Variants in SYT16 observed in about 807,000 individuals in gnomAD.
SYT16 encodes synaptotagmin-16.
SYT16 carries 42 observed loss-of-function variants against 61.4 expected under a neutral mutation model. The ratio of observed to expected loss-of-function variants is 0.68; its 90% CI spans 0.53 to 0.89. The LOEUF is 0.89. Ranked by LOEUF, SYT16 falls within the 40% of genes least tolerant of loss-of-function variation. The pLI is 0.00. For synonymous variants in SYT16, 314 were observed against 302.3 expected, an observed-to-expected ratio of 1.04 and a Z score of -0.40; for missense variants, 804 against 807.3, an observed-to-expected ratio of 1.00 and a Z score of 0.05.
chr14:61,851,381 G>A (rs2046615598), intron 1 of SYT16, among the ~76,000 whole-genome samples: 1 of 152,164 alleles, frequency 6.6e-6, no homozygotes, highest in African/African-American at 2.4e-5. Context: ...ACGTATGCAG[G>A]TATCTTTATA....
At chr14:61,905,119 AACT>A (rs1044173687) in intron 1 of SYT16, among the ~76,000 whole-genome samples, 1 of 152,196 alleles carries the variant, frequency 6.6e-6, no homozygotes, top group African/African-American at 2.4e-5. Flanking sequence ...GATTTCTAGG[AACT>A]ACCTGCACTG....
intron 2 of SYT16, among the ~76,000 whole-genome samples, chr14:61,986,881 G>T (rs1217781367): frequency 1.3e-5 from 2 of 152,080 alleles, no homozygotes; most frequent in Non-Finnish European, 2.9e-5. Context: ...CAAAAATATT[G>T]ATGGCCTATT....
intron 1 of SYT16, among the ~76,000 whole-genome samples, chr14:61,844,282 T>C (rs991147643): frequency 1.3e-5 from 2 of 152,182 alleles, no homozygotes; most frequent in African/African-American, 4.8e-5. Flanking sequence ...TAGTTTTTTT[T>C]TGGTGGAATC....
intron 3 of SYT16, among the ~76,000 whole-genome samples, chr14:62,051,680 T>G (rs940557126): frequency 1.3e-5 from 2 of 152,236 alleles, no homozygotes. Flanking sequence ...CTTTGGATTT[T>G]TAAAGGTTCA....
intron 3 of SYT16, among the ~76,000 whole-genome samples, chr14:62,056,736 G>A (rs183799063): frequency 6.6e-6 from 1 of 152,256 alleles, no homozygotes; most frequent in Admixed American, 6.5e-5. Context: ...ACCCATTCAG[G>A]CTCCTTGAAT....
At chr14:61,831,023 G>C (rs970891160) in intron 1 of SYT16, among the ~76,000 whole-genome samples, 1 of 152,168 alleles carries the variant, frequency 6.6e-6, no homozygotes, top group African/African-American at 2.4e-5. Context: ...CCTCTTCCAC[G>C]TCCTTTGGCT....
At chr14:61,910,250 T>G (rs1193753201) in intron 1 of SYT16, among the ~76,000 whole-genome samples, 1 of 132,370 alleles carries the variant, frequency 7.6e-6, no homozygotes. Flanking sequence ...TTTTGTTTTG[T>G]TTTTTGAGAC....
chr14:61,823,574 C>CAAAAA (rs55935256), intron 1 of SYT16, among the ~76,000 whole-genome samples: 19 of 71,020 alleles, frequency 2.7e-4, no homozygotes, highest in Admixed American at 5.2e-4. Context: ...ACTAAAAATA[C>CAAAAA]AAAAAAAAAA....
At chr14:62,001,680 T>C (rs569440396) in intron 3 of SYT16, among the ~76,000 whole-genome samples, 3 of 152,110 alleles carry the variant, frequency 2.0e-5, no homozygotes, top group Non-Finnish European at 2.9e-5. Flanking sequence ...ATATTTATTC[T>C]ACCCCATTCT....
Position 61,816,938 on chromosome 14 carries a change from A to G in SYT16, c.-325+4128A>G, listed in dbSNP as rs952143958. On this transcript the variant is annotated intron_variant, in intron 1 of 7. Transcript: ENST00000683842. ...AGGCAGGAGAATGGCGTGAACCCGG[A>G]AGGTGGAGCTTGCAGTGAGCCGAGA... is the stretch of plus-strand genomic sequence containing the variant. Among the ~76,000 whole-genome samples the G allele has an allele frequency of 6.2e-4, 93 of 150,548 alleles. 7 individuals carry two copies. The highest frequency in any genetic ancestry group is 1.0e-4 in the Non-Finnish European group (7 of 67,744).
intron 1 of SYT16, among the ~76,000 whole-genome samples, chr14:61,845,041 T>C (rs2046403782): frequency 1.0e-5 from 1 of 98,566 alleles, no homozygotes; most frequent in Non-Finnish European, 2.1e-5. Flanking sequence ...CTAGAAGACT[T>C]TTTTTTTTTT....
At chr14:61,832,862 C>T (rs746331220) in intron 1 of SYT16, among the ~76,000 whole-genome samples, 24 of 152,136 alleles carry the variant, frequency 1.6e-4, no homozygotes, top group Admixed American at 3.3e-4. Context: ...AAATCTATCC[C>T]TTTGCCAGAG....
chr14:62,069,601 A>G lies in SYT16; in HGVS notation c.524-2A>G. 6.2e-7 allele frequency: 1 copy of G among 1,613,834 alleles called. No homozygotes were observed. The highest frequency in any genetic ancestry group is 8.5e-7 in the Non-Finnish European group (1 of 1,179,782). On this transcript the variant is annotated splice_acceptor_variant, in intron 3 of 7. Transcript: ENST00000683842. LOFTEE classifies it high-confidence loss of function. ...AGACTCATGGCTCTTGTTTACTCCC[A>G]GTCAACAGCTTTGGGGATGACGAAG...
chr14:62,036,513 C>A (rs558935198), intron 3 of SYT16, among the ~76,000 whole-genome samples: 19 of 152,160 alleles, frequency 1.2e-4, no homozygotes, highest in African/African-American at 4.6e-4. Flanking sequence ...GTGTGCTAGT[C>A]CATTCTCGTG....
At chr14:61,993,891 A>T (rs1053820900) in intron 2 of SYT16, among the ~76,000 whole-genome samples, 7 of 152,162 alleles carry the variant, frequency 4.6e-5, no homozygotes, top group African/African-American at 1.7e-4. Flanking sequence ...TGTGCTCAGC[A>T]CACTTCTAGG....
chr14:61,889,095 A>C (rs1415801071), intron 1 of SYT16, among the ~76,000 whole-genome samples: 1 of 152,214 alleles, frequency 6.6e-6, no homozygotes, highest in East Asian at 1.9e-4. Context: ...CAAGGGAGGC[A>C]TGGTGATAGT....
At chr14:62,076,213 C>T (rs2056490558) in intron 5 of SYT16, among the ~76,000 whole-genome samples, 1 of 152,120 alleles carries the variant, frequency 6.6e-6, no homozygotes, top group Non-Finnish European at 1.5e-5. Context: ...TAGATCCCTC[C>T]TATCATGATT....
At chr14:61,893,750 T>C (rs895172168) in intron 1 of SYT16, among the ~76,000 whole-genome samples, 12 of 152,290 alleles carry the variant, frequency 7.9e-5, no homozygotes, top group Middle Eastern at 6.8e-3. Flanking sequence ...GTGGTCACCA[T>C]TCCAACCTCC....
chr14:61,856,311 A>G (rs2046772598), intron 1 of SYT16, among the ~76,000 whole-genome samples: 1 of 152,244 alleles, frequency 6.6e-6, no homozygotes, highest in Non-Finnish European at 1.5e-5. Flanking sequence ...GGTAGAATGT[A>G]GACAACAGAT....
Sources: gnomAD v4.1 joint callset for allele counts (sites outside exome capture counted in the v4.1 genomes callset) on GRCh38, gnomAD v4.1.1 for gene constraint, MANE v1.5 for transcripts, NCBI Gene and HGNC (gene_info 2026-07-23, HGNC 2026-07-21) for gene names.